AGPS: variants seen among roughly 807,000 people sequenced by gnomAD.
The protein encoded by AGPS is alkyldihydroxyacetonephosphate synthase, peroxisomal.
A neutral mutation model predicts 90.7 loss-of-function variants in AGPS; 26 were observed. That is an observed-to-expected ratio of 0.29 (90% confidence interval 0.21 to 0.40). AGPS has a LOEUF of 0.40. AGPS is among the 10% of genes least tolerant of loss of function. The probability of loss-of-function intolerance (pLI) is 1.00; values close to 1 mark genes in which losing one functional copy is unlikely to be tolerated. For synonymous variants in AGPS, 294 were observed against 285.3 expected, an observed-to-expected ratio of 1.03 and a Z score of -0.31; for missense variants, 540 against 816.1, an observed-to-expected ratio of 0.66 and a Z score of 4.12.
intron 1 of AGPS, among the ~76,000 whole-genome samples, chr2:177,412,194 G>A (rs1284956520): frequency 6.6e-6 from 1 of 152,174 alleles, no homozygotes; most frequent in South Asian, 2.1e-4. Context: ...ATCAGAGGAA[G>A]TAGATTCAGA....
chr2:177,524,952 T>C (rs886189877), intron 19 of AGPS, among the ~76,000 whole-genome samples: 2 of 152,210 alleles, frequency 1.3e-5, no homozygotes, highest in Admixed American at 1.3e-4. Context: ...CCCAACGTCA[T>C]TGTGTCAATT....
chr2:177,529,693 C>A (rs986923257), intron 19 of AGPS, among the ~76,000 whole-genome samples: 3 of 152,170 alleles, frequency 2.0e-5, no homozygotes, highest in Non-Finnish European at 4.4e-5. Flanking sequence ...ATACCACCAA[C>A]CATTTAGTGT....
At chr2:177,409,446 T>C (rs1574344855) in intron 1 of AGPS, among the ~76,000 whole-genome samples, 1 of 152,120 alleles carries the variant, frequency 6.6e-6, no homozygotes, top group East Asian at 1.9e-4. Context: ...TGAGCCCTCT[T>C]TACTATCTGA....
intron 10 of AGPS, among the ~76,000 whole-genome samples, chr2:177,479,709 C>T (rs981796745): frequency 6.6e-6 from 1 of 152,112 alleles, no homozygotes; most frequent in African/African-American, 2.4e-5. Flanking sequence ...ATGAAATGTC[C>T]AGAATAGGCA....
At chr2:177,431,078 A>G (rs956351263) in intron 2 of AGPS, among the ~76,000 whole-genome samples, 1 of 152,188 alleles carries the variant, frequency 6.6e-6, no homozygotes, top group Non-Finnish European at 1.5e-5. Flanking sequence ...GTATTTCAAC[A>G]TAGGTTCTAT....
intron 2 of AGPS, 65 bp downstream of exon 2, chr2:177,420,423 A>G (rs1685910848): frequency 8.4e-7 from 1 of 1,196,972 alleles, no homozygotes; most frequent in East Asian, 2.4e-5. Flanking sequence ...AAAATTTTAA[A>G]CACACATGAA....
intron 1 of AGPS, 138 bp downstream of exon 1, chr2:177,393,187 C>A: frequency 1.3e-6 from 2 of 1,543,520 alleles, no homozygotes; most frequent in South Asian, 2.4e-5. Context: ...AGGGACCCAC[C>A]TCTCTTTCGA....
chr2:177,432,761 A>G (rs1225067715), intron 2 of AGPS, among the ~76,000 whole-genome samples: 1 of 152,208 alleles, frequency 6.6e-6, no homozygotes, highest in Non-Finnish European at 1.5e-5. Context: ...TATTTGGCTC[A>G]TGGTTCTGTA....
chr2:177,485,364 TAA>T (rs1688064588), intron 11 of AGPS, among the ~76,000 whole-genome samples: 1 of 152,208 alleles, frequency 6.6e-6, no homozygotes, highest in Non-Finnish European at 1.5e-5. Flanking sequence ...ATCAAAATAC[TAA>T]GTTTATAATT....
intron 5 of AGPS, among the ~76,000 whole-genome samples, chr2:177,438,475 A>G (rs1362240900): frequency 6.6e-6 from 1 of 152,244 alleles, no homozygotes; most frequent in Admixed American, 6.5e-5. Context: ...ACTCAGATGT[A>G]GTAAACAATA....
At chr2:177,400,669 T>C (rs1685307526) in intron 1 of AGPS, among the ~76,000 whole-genome samples, 1 of 152,188 alleles carries the variant, frequency 6.6e-6, no homozygotes, top group Admixed American at 6.5e-5. Flanking sequence ...ATGTTTGAAA[T>C]TACTAATCAG....
chr2:177,443,878 G>T (rs1189148511), intron 7 of AGPS, among the ~76,000 whole-genome samples: 1 of 152,102 alleles, frequency 6.6e-6, no homozygotes, highest in East Asian at 1.9e-4. Context: ...TGCCTATGAA[G>T]TTTTTTCTGC....
chr2:177,473,710 G>T (rs1687692688), intron 10 of AGPS, among the ~76,000 whole-genome samples: 1 of 152,170 alleles, frequency 6.6e-6, no homozygotes, highest in Admixed American at 6.5e-5. Flanking sequence ...AGTGAATTTG[G>T]AATATCCATT....
chr2:177,500,967 T>G (rs1213315380), intron 14 of AGPS, among the ~76,000 whole-genome samples: 1 of 152,164 alleles, frequency 6.6e-6, no homozygotes, highest in Non-Finnish European at 1.5e-5. Flanking sequence ...TACCCGTTTT[T>G]TAGTTTCTAA....
chr2:177,455,019 C>A (rs1014114272), intron 8 of AGPS, among the ~76,000 whole-genome samples: 8 of 151,588 alleles, frequency 5.3e-5, no homozygotes, highest in African/African-American at 1.9e-4. Flanking sequence ...AGCTCATCAG[C>A]TGTTGTTAGT....
intron 12 of AGPS, among the ~76,000 whole-genome samples, chr2:177,495,641 CTCACGCCTGTAA>C (rs1215216204): frequency 1.3e-5 from 2 of 151,986 alleles, no homozygotes; most frequent in African/African-American, 2.4e-5. Context: ...GGTGCAGTGC[CTCACGCCTGTAA>C]TCCCAGCACT....
rs1686747135 is a variant in AGPS, at chr2:177,445,629, A to G, written c.870+3A>G. 6.4e-7 allele frequency: 1 copy of G among 1,571,974 alleles called. No individual in the cohort carries two copies. Among genetic ancestry groups the G allele is most frequent in the African/African-American group, 1.4e-5 (1 of 72,872 alleles). On this transcript the variant is annotated splice_donor_region_variant and intron_variant, in intron 8 of 19. Coordinates refer to ENST00000264167, the MANE Select transcript of AGPS (RefSeq NM_003659.4). ...CAGGACAAGAGTTGGAAAGACAGGT[A>G]TGTTATTTATTTTTCTTATTTTTTT...
At chr2:177,532,926 T>C (rs530448296) in intron 19 of AGPS, among the ~76,000 whole-genome samples, 76 of 152,292 alleles carry the variant, frequency 5.0e-4, no homozygotes, top group Admixed American at 8.5e-4. Flanking sequence ...ATTTTTGAAA[T>C]GACAAAATCT....
At chr2:177,406,802 C>T (rs1182578007) in intron 1 of AGPS, among the ~76,000 whole-genome samples, 1 of 152,232 alleles carries the variant, frequency 6.6e-6, no homozygotes, top group African/African-American at 2.4e-5. Context: ...TCTATGACTT[C>T]TTGAATGTGC....
Sources: gnomAD v4.1 joint callset for allele counts (sites outside exome capture counted in the v4.1 genomes callset) on GRCh38, gnomAD v4.1.1 for gene constraint, MANE v1.5 for transcripts, NCBI Gene and HGNC (gene_info 2026-07-23, HGNC 2026-07-21) for gene names.